Variants in GRM7 observed in about 807,000 individuals in gnomAD.
GRM7 encodes the protein metabotropic glutamate receptor 7.
Under a neutral mutation model 84.5 loss-of-function variants are expected in GRM7, and 35 were observed. That is an observed-to-expected ratio of 0.41 (90% confidence interval 0.32 to 0.55). The LOEUF is 0.55. GRM7 is among the 20% of genes least tolerant of loss of function. GRM7 has a pLI of 0.19. For missense variants in GRM7, 1,003 were observed against 1,194.6 expected, an observed-to-expected ratio of 0.84 and a Z score of 2.36; for synonymous variants, 487 against 455.1, an observed-to-expected ratio of 1.07 and a Z score of -0.89.
In GRM7 at chr3:6,863,134, T is replaced by TC. The variant is rs907751270; in HGVS notation, c.519+1227_519+1228insC. On this transcript the variant is annotated intron_variant, in intron 1 of 9. Transcript: ENST00000357716. The surrounding 1 kb of genome is among the most constrained non-coding windows in gnomAD (Gnocchi z 4.8). ...TCTCTGTCTCCTTGCTGTTTTTTTT[T>TC]TCTCTCTGTTTTTTCTCTCCTTTTC... 9 of 332,910 alleles carry TC rather than the reference T, an allele frequency of 2.7e-5. No individual in the cohort carries two copies. The highest frequency in any genetic ancestry group is 2.0e-4 in the African/African-American group (9 of 44,770). The allele number at this position is 332,910 out of a possible 1,614,324, so 20.6% of individuals were successfully genotyped here. A position where few individuals can be genotyped will look rare whatever the true frequency, so the allele number is the denominator to read the frequency against.
At chr3:7,482,615 AT>A (rs1251564703) in intron 7 of GRM7, among the ~76,000 whole-genome samples, 1 of 152,212 alleles carries the variant, frequency 6.6e-6, no homozygotes, top group East Asian at 1.9e-4. Flanking sequence ...AAAGGAGGCA[AT>A]GGTATGTATA....
intron 2 of GRM7, among the ~76,000 whole-genome samples, chr3:7,285,766 G>C (rs1176013273): frequency 6.6e-6 from 1 of 152,006 alleles, no homozygotes; most frequent in African/African-American, 2.4e-5. Context: ...TGATCTGAGA[G>C]GAAAAGAAGG....
At chr3:7,093,832 C>A (rs1002076718) in intron 1 of GRM7, among the ~76,000 whole-genome samples, 2 of 150,606 alleles carry the variant, frequency 1.3e-5, no homozygotes, top group East Asian at 1.9e-4. Flanking sequence ...GTAGTGGAAG[C>A]TTTTATAGAT....
intron 1 of GRM7, among the ~76,000 whole-genome samples, chr3:6,917,156 T>G (rs928051782): frequency 1.3e-5 from 2 of 152,170 alleles, no homozygotes; most frequent in Admixed American, 6.6e-5. Context: ...ACCTTCATTA[T>G]AGATTTGGGT....
rs74337027 is a variant in GRM7 at position 7,679,034 on chromosome 3, A to G, written c.2452-1015A>G. Reference sequence around the variant, plus strand: ...AGGAAAATGGGCAGAAAAATGATCAAGATACTGAGTGCATAATTACAACAG... The same window carrying G: ...AGGAAAATGGGCAGAAAAATGATCAGGATACTGAGTGCATAATTACAACAG... On this transcript the variant is annotated intron_variant, in intron 8 of 9. Transcript: ENST00000357716. 4.8e-3 allele frequency among the ~76,000 whole-genome samples: 737 copies of G among 152,320 alleles called. 8 individuals are homozygous for G. The highest frequency in any genetic ancestry group is 0.017 in the African/African-American group (703 of 41,576).
intron 1 of GRM7, among the ~76,000 whole-genome samples, chr3:7,047,694 G>A (rs746913638): frequency 5.3e-5 from 8 of 151,994 alleles, no homozygotes; most frequent in African/African-American, 9.7e-5. Flanking sequence ...TGGATTCTAC[G>A]CAAAGAGTTA....
intron 7 of GRM7, among the ~76,000 whole-genome samples, chr3:7,501,906 G>A (rs1011301408): frequency 2.0e-5 from 3 of 152,184 alleles, no homozygotes; most frequent in African/African-American, 7.2e-5. Flanking sequence ...CATAAGGGAT[G>A]TCATATAAAA....
intron 4 of GRM7, chr3:7,403,263 A>C: frequency 3.8e-6 from 1 of 262,436 alleles, no homozygotes; most frequent in Non-Finnish European, 8.0e-6. Flanking sequence ...TTGGACAGTT[A>C]TATACACATG....
chr3:7,265,204 A>G (rs1698593610), intron 2 of GRM7, among the ~76,000 whole-genome samples: 1 of 152,208 alleles, frequency 6.6e-6, no homozygotes, highest in African/African-American at 2.4e-5. Context: ...TGTTCTAGCT[A>G]TCTCTGGACA....
At chr3:7,329,050 C>G (rs76761976) in intron 4 of GRM7, among the ~76,000 whole-genome samples, 4,757 of 151,912 alleles carry the variant, frequency 0.031, 217 homozygotes, top group African/African-American at 0.098. Flanking sequence ...CCCCACCACC[C>G]CTTAGTTTAA....
At chr3:7,027,537 T>C (rs1392867593) in intron 1 of GRM7, among the ~76,000 whole-genome samples, 5 of 152,160 alleles carry the variant, frequency 3.3e-5, no homozygotes, top group African/African-American at 4.8e-5. Flanking sequence ...TAATTACAAA[T>C]TTGCCTTTAC....
intron 1 of GRM7, among the ~76,000 whole-genome samples, chr3:7,033,520 CAT>C (rs1478848570): frequency 2.6e-5 from 4 of 152,136 alleles, no homozygotes; most frequent in Admixed American, 2.0e-4. Flanking sequence ...TCATGCTCAA[CAT>C]ATATATTCTC....
intron 1 of GRM7, among the ~76,000 whole-genome samples, chr3:7,092,608 G>C (rs1389922814): frequency 6.8e-6 from 1 of 147,612 alleles, no homozygotes; most frequent in Non-Finnish European, 1.5e-5. Flanking sequence ...ATTGGGGGGG[G>C]GGCAATTTAG....
chr3:7,728,000 T>C (rs1702189029), intron 9 of GRM7, among the ~76,000 whole-genome samples: 1 of 152,188 alleles, frequency 6.6e-6, no homozygotes, highest in South Asian at 2.1e-4. Context: ...TCATCTCTTC[T>C]CTTTTCCTAG....
chr3:7,196,016 A>G (rs1452794984), intron 2 of GRM7, among the ~76,000 whole-genome samples: 1 of 152,018 alleles, frequency 6.6e-6, no homozygotes, highest in Non-Finnish European at 1.5e-5. Flanking sequence ...TTAGTTAACT[A>G]TCTACCTACC....
At chr3:7,160,386 T>A (rs1416983521) in intron 2 of GRM7, among the ~76,000 whole-genome samples, 1 of 152,116 alleles carries the variant, frequency 6.6e-6, no homozygotes, top group Non-Finnish European at 1.5e-5. Context: ...GGATGAGTGA[T>A]TTGTGAGGTC....
intron 1 of GRM7, among the ~76,000 whole-genome samples, chr3:6,930,216 GA>G (rs777329951): frequency 6.6e-6 from 1 of 152,136 alleles, no homozygotes; most frequent in Non-Finnish European, 1.5e-5. Context: ...TGTAGTATTA[GA>G]GATAATATAT....
intron 1 of GRM7, among the ~76,000 whole-genome samples, chr3:6,970,518 C>G (rs1022344): frequency 2.7e-4 from 41 of 152,258 alleles, no homozygotes; most frequent in Middle Eastern, 6.8e-3. Flanking sequence ...AAATATACAC[C>G]TAGCCTTAGC....
chr3:7,161,797 G>C (rs1472816626), intron 2 of GRM7, among the ~76,000 whole-genome samples: 1 of 152,160 alleles, frequency 6.6e-6, no homozygotes. Flanking sequence ...TGTGAATTTA[G>C]GTGAGATGAA....
Sources: gnomAD v4.1 joint callset for allele counts (sites outside exome capture counted in the v4.1 genomes callset) on GRCh38, gnomAD v4.1.1 for gene constraint, Gnocchi (gnomAD v3.1) non-coding constraint, MANE v1.5 for transcripts, NCBI Gene and HGNC (gene_info 2026-07-23, HGNC 2026-07-21) for gene names.